Variants in OCLN observed in about 807,000 individuals in gnomAD.
OCLN encodes the protein occludin, also known as phosphatase 1, regulatory subunit 115.
OCLN carries 21 observed loss-of-function variants against 47.9 expected under a neutral mutation model. That is an observed-to-expected ratio of 0.44 (90% CI 0.31 to 0.63). OCLN has a LOEUF of 0.63. Ranked by LOEUF, OCLN falls within the 30% of genes least tolerant of loss-of-function variation. OCLN has a pLI of 0.08. For synonymous variants in OCLN, 117 were observed against 198.4 expected, an observed-to-expected ratio of 0.59 and a Z score of 3.45; for missense variants, 360 against 571.0, an observed-to-expected ratio of 0.63 and a Z score of 3.77.
intron 3 of OCLN, among the ~76,000 whole-genome samples, chr5:69,512,378 T>C (rs1768813469): frequency 6.6e-6 from 1 of 152,244 alleles, no homozygotes; most frequent in East Asian, 1.9e-4. Flanking sequence ...ATGTGGACAT[T>C]TATTTCTGGG....
rs541316075 is a variant in OCLN at position 69,507,076 on chromosome 5, C to T, written c.51-2065C>T. 3.3e-5 allele frequency among the ~76,000 whole-genome samples: 5 copies of T among 152,304 alleles called. 1 individual carries two copies. Among genetic ancestry groups the T allele is most frequent in the African/African-American group, 9.6e-5 (4 of 41,576 alleles). Reference sequence around the variant, plus strand: ...CCACTGTCCTGACGTATGATCATTACCTGCTTTTATCATTTTATCATCTTG... The same window carrying T: ...CCACTGTCCTGACGTATGATCATTATCTGCTTTTATCATTTTATCATCTTG... On this transcript the variant is annotated intron_variant, in intron 2 of 8. Coordinates refer to ENST00000396442, the MANE Select transcript of OCLN (RefSeq NM_001205254.2).
intron 1 of OCLN, among the ~76,000 whole-genome samples, chr5:69,498,556 C>A (rs1285792275): frequency 6.6e-6 from 1 of 152,060 alleles, no homozygotes; most frequent in African/African-American, 2.4e-5. Context: ...AATATAGTCA[C>A]CCTTCAGTAT....
intron 3 of OCLN, among the ~76,000 whole-genome samples, chr5:69,511,573 G>A (rs899042258): frequency 2.6e-5 from 4 of 151,922 alleles, no homozygotes; most frequent in South Asian, 4.2e-4. Flanking sequence ...CACCACACCC[G>A]GATAATTTTT....
chr5:69,511,148 C>T (rs1168007953), intron 3 of OCLN, among the ~76,000 whole-genome samples: 3 of 151,768 alleles, frequency 2.0e-5, no homozygotes, highest in Non-Finnish European at 4.4e-5. Flanking sequence ...GATCTTTGCT[C>T]ACTGTGAGCT....
At chr5:69,515,128 G>C (rs1768895508) in intron 4 of OCLN, among the ~76,000 whole-genome samples, 1 of 151,370 alleles carries the variant, frequency 6.6e-6, no homozygotes, top group South Asian at 2.1e-4. Context: ...TCACCTCCTG[G>C]ACCGGGCGGC....
At chr5:69,505,065 C>T (rs553039269) in intron 2 of OCLN, among the ~76,000 whole-genome samples, 2 of 152,152 alleles carry the variant, frequency 1.3e-5, no homozygotes, top group Admixed American at 6.5e-5. Context: ...TCCTGACCAA[C>T]GTGGAGAAAC....
chr5:69,501,063 C>T lies in OCLN; in HGVS notation c.-68-3114C>T, dbSNP rs976685579. ...TCTCAAGTAGCTGGGATTACAGGCA[C>T]GTGCCACCATGCCCAGCTAATTTTT... On this transcript the variant is annotated intron_variant, in intron 1 of 8. Coordinates refer to ENST00000396442, the MANE Select transcript of OCLN (RefSeq NM_001205254.2). Among the ~76,000 whole-genome samples, 9 of 152,018 alleles carry T rather than the reference C, an allele frequency of 5.9e-5. No homozygotes were observed. In the East Asian group the frequency reaches 7.7e-4, roughly 13 times the overall value.
intron 2 of OCLN, among the ~76,000 whole-genome samples, chr5:69,506,554 T>C (rs1215609177): frequency 6.6e-6 from 1 of 152,132 alleles, no homozygotes; most frequent in Non-Finnish European, 1.5e-5. Context: ...CCAGAGAGGG[T>C]TGGGGCTGAA....
In OCLN at chr5:69,509,886, T is replaced by C. The variant is rs868400626; in HGVS notation, c.729+67T>C. On this transcript the variant is annotated intron_variant, in intron 3 of 8. Transcript: ENST00000396442. ...GAGGCCTTCAACTTGAGATATGTGA[T>C]AGAATCACTCTGGAAACTCTTAAAA... 153 of 1,166,518 alleles carry C rather than the reference T, an allele frequency of 1.3e-4. 1 individual carries two copies. In the Middle Eastern group the frequency reaches 3.1e-3, roughly 23 times the overall value. The allele number at this position is 1,166,518 out of a possible 1,614,324, so 72.3% of individuals were successfully genotyped here.
At chr5:69,530,882 A>G (rs531016361) in intron 4 of OCLN, among the ~76,000 whole-genome samples, 16 of 152,374 alleles carry the variant, frequency 1.1e-4, no homozygotes, top group Non-Finnish European at 2.1e-4. Context: ...GTGTAGAAAT[A>G]GAACAGTTAT....
At chr5:69,506,526 T>G (rs1366514058) in intron 2 of OCLN, among the ~76,000 whole-genome samples, 2 of 152,188 alleles carry the variant, frequency 1.3e-5, no homozygotes, top group Non-Finnish European at 2.9e-5. Context: ...AGTTTAAGCT[T>G]CAGCCCCTCT....
At chr5:69,533,036 C>T (rs1580584339) in intron 4 of OCLN, among the ~76,000 whole-genome samples, 3 of 139,396 alleles carry the variant, frequency 2.2e-5, no homozygotes, top group Admixed American at 7.1e-5. Flanking sequence ...TACACACACA[C>T]ATGTATATAT....
At chr5:69,496,132 G>A (rs867148447) in intron 1 of OCLN, among the ~76,000 whole-genome samples, 91 of 147,418 alleles carry the variant, frequency 6.2e-4, no homozygotes, top group African/African-American at 2.2e-3. Flanking sequence ...ACAGAGTCTC[G>A]CTGTCTCCCA....
chr5:69,528,578 G>A (rs1393881120), intron 4 of OCLN, among the ~76,000 whole-genome samples: 1 of 152,164 alleles, frequency 6.6e-6, no homozygotes, highest in Non-Finnish European at 1.5e-5. Context: ...TTCAAGCCAT[G>A]TTTGAATTCT....
intron 4 of OCLN, among the ~76,000 whole-genome samples, chr5:69,524,474 TG>T (rs1234920331): frequency 6.6e-6 from 1 of 152,232 alleles, no homozygotes; most frequent in Non-Finnish European, 1.5e-5. Context: ...TTTTTAACTT[TG>T]TAGAAGGTGT....
At chr5:69,526,030 C>T (rs1226570464) in intron 4 of OCLN, among the ~76,000 whole-genome samples, 2 of 152,146 alleles carry the variant, frequency 1.3e-5, no homozygotes. Flanking sequence ...AGACCCTTAA[C>T]TTGTAGGTCT....
At chr5:69,495,180 GA>G (rs1484085850) in intron 1 of OCLN, among the ~76,000 whole-genome samples, 2 of 152,136 alleles carry the variant, frequency 1.3e-5, no homozygotes, top group Non-Finnish European at 1.5e-5. Flanking sequence ...TATTTGATTG[GA>G]ATATTAATGG....
At chr5:69,515,302 C>A (rs1422549400) in intron 4 of OCLN, among the ~76,000 whole-genome samples, 1 of 141,688 alleles carries the variant, frequency 7.1e-6, no homozygotes, top group Non-Finnish European at 1.6e-5. Context: ...ACCTCCTTCC[C>A]GGATGGGGCG....
At chr5:69,524,332 ACT>A (rs1390379589) in intron 4 of OCLN, among the ~76,000 whole-genome samples, 5 of 152,168 alleles carry the variant, frequency 3.3e-5, no homozygotes, top group East Asian at 3.9e-4. Flanking sequence ...TACATTTTTT[ACT>A]CTCTCATCTA....
Sources: allele counts gnomAD v4.1 joint callset (sites outside exome capture counted in the v4.1 genomes callset), GRCh38; gene constraint gnomAD v4.1.1; transcripts MANE v1.5; gene names NCBI Gene and HGNC (gene_info 2026-07-23, HGNC 2026-07-21).